IARS2: variants seen among roughly 807,000 people sequenced by gnomAD.
IARS2 encodes the protein isoleucyl-tRNA synthetase 2, mitochondrial.
Under a neutral mutation model 126.3 loss-of-function variants are expected in IARS2, and 56 were observed. The ratio of observed to expected loss-of-function variants is 0.44; its 90% confidence interval spans 0.36 to 0.55. The LOEUF (loss-of-function observed/expected upper bound fraction) is 0.55, where lower values mean the gene tolerates loss of function less well. Among genes scored for constraint, IARS2 ranks in the 20% least tolerant of loss-of-function variants. The pLI is 0.00. For missense variants in IARS2, 1,127 were observed against 1,245.9 expected (o/e 0.90, Z 1.44); for synonymous variants, 407 against 441.1 (o/e 0.92, Z 0.97).
At chr1:220,128,475 C>T (rs1295121140) in intron 14 of IARS2, among the ~76,000 whole-genome samples, 2 of 152,136 alleles carry the variant, frequency 1.3e-5, no homozygotes, top group African/African-American at 4.8e-5. Flanking sequence ...AGTAGGCTCT[C>T]CCATTGAGGT....
chr1:220,141,767 G>A (rs1166466899), intron 19 of IARS2, 36 bp from the exon 20 acceptor site: 5 of 1,607,974 alleles, frequency 3.1e-6, no homozygotes, highest in Admixed American at 1.7e-5. Context: ...AATGTATAAA[G>A]TATTGTCAAC....
At chr1:220,131,829 A>C (rs1571860330) in intron 14 of IARS2, among the ~76,000 whole-genome samples, 2 of 112,706 alleles carry the variant, frequency 1.8e-5, no homozygotes, top group South Asian at 2.7e-4. Context: ...ATGGAGTCTC[A>C]CTCTGTTGCC....
intron 11 of IARS2, among the ~76,000 whole-genome samples, chr1:220,113,023 C>T (rs142209563): frequency 3.3e-5 from 5 of 152,140 alleles, no homozygotes; most frequent in East Asian, 3.9e-4. Flanking sequence ...CCACCATGCC[C>T]GGCTAATTTT....
At chr1:220,101,512 C>T (rs1656569578) in intron 3 of IARS2, among the ~76,000 whole-genome samples, 1 of 151,226 alleles carries the variant, frequency 6.6e-6, no homozygotes, top group Non-Finnish European at 1.5e-5. Context: ...CCAGCCTGGC[C>T]AACATGGCAA....
intron 1 of IARS2, among the ~76,000 whole-genome samples, chr1:220,095,586 CTT>C (rs34977332): frequency 6.7e-6 from 1 of 149,822 alleles, no homozygotes; most frequent in Non-Finnish European, 1.5e-5. Context: ...GATATTAACA[CTT>C]TTTTTTTTCA....
Position 220,102,356 on chromosome 1 carries a change from T to C in IARS2, c.700-7T>C. 1 of 1,613,510 alleles carries C rather than the reference T, an allele frequency of 6.2e-7. No individual in the cohort carries two copies. Among genetic ancestry groups the C allele is most frequent in the Non-Finnish European group, 8.5e-7 (1 of 1,179,886 alleles). Reference sequence around the variant, plus strand: ...TACTTTTAACATCATATTTTTGTCTTTTATAGGGCTTGGTTTATCGATCTT... The same window carrying C: ...TACTTTTAACATCATATTTTTGTCTCTTATAGGGCTTGGTTTATCGATCTT... On this transcript the variant is annotated splice_polypyrimidine_tract_variant and splice_region_variant and intron_variant, in intron 4 of 22. Coordinates refer to ENST00000366922, the MANE Select transcript of IARS2 (RefSeq NM_018060.4).
At chr1:220,128,904 ATTT>A (rs35869552) in intron 14 of IARS2, among the ~76,000 whole-genome samples, 3 of 144,484 alleles carry the variant, frequency 2.1e-5, no homozygotes, top group African/African-American at 7.7e-5. Flanking sequence ...CTAGAGTGTG[ATTT>A]TTTTTTTTTT....
At chr1:220,121,203 GT>G (rs1489441452) in intron 12 of IARS2, among the ~76,000 whole-genome samples, 1 of 152,138 alleles carries the variant, frequency 6.6e-6, no homozygotes, top group Non-Finnish European at 1.5e-5. Flanking sequence ...CTAATGTGTA[GT>G]TACGTTGTTT....
At position 220,098,079 on chromosome 1, in the gene IARS2, T is replaced by G. The variant is rs536117104; in HGVS notation, c.390+1853T>G. Among the ~76,000 whole-genome samples the G allele has an allele frequency of 1.4e-4, 21 of 151,642 alleles. 1 individual carries two copies. In the South Asian group the frequency reaches 4.4e-3, roughly 32 times the overall value. On this transcript the variant is annotated intron_variant, in intron 2 of 22. Transcript: ENST00000366922. ...TTAGTATTATTTTTTAGTAGAGACG[T>G]GGTTTCACCATGTTAGCCAGGATGG...
Position 220,131,973 on chromosome 1 carries a change from A to AT in IARS2, c.1838-2424dup, listed in dbSNP as rs566362836. On this transcript the variant is annotated intron_variant, in intron 14 of 22. Coordinates refer to ENST00000366922, the MANE Select transcript of IARS2 (RefSeq NM_018060.4). ...CCACCATGCCTGGCTAATTTTTTGTATTTTTAGTAGAGACGGGTTTCACCA... is the reference window on the plus strand; with the variant it reads ...CCACCATGCCTGGCTAATTTTTTGTATTTTTTAGTAGAGACGGGTTTCACCA... Among the ~76,000 whole-genome samples, 226 of 148,796 alleles carry AT rather than the reference A, an allele frequency of 1.5e-3. 1 individual carries two copies. The highest frequency in any genetic ancestry group is 5.1e-3 in the African/African-American group (204 of 40,226).
rs114388084 is a variant in IARS2, at chr1:220,118,423, A to T, written c.1640+3949A>T. Reference sequence around the variant, plus strand: ...AATAGTGTCATTTGCATTTTAGATCATATTTGTATTTTATCAAGAAATAAT... The same window carrying T: ...AATAGTGTCATTTGCATTTTAGATCTTATTTGTATTTTATCAAGAAATAAT... On this transcript the variant is annotated intron_variant, in intron 12 of 22. Transcript: ENST00000366922. Among the ~76,000 whole-genome samples, 462 of 151,354 alleles carry T rather than the reference A, an allele frequency of 3.1e-3. 3 individuals are homozygous for T. The highest frequency in any genetic ancestry group is 0.011 in the African/African-American group (439 of 41,508).
intron 14 of IARS2, among the ~76,000 whole-genome samples, chr1:220,130,309 T>C (rs1657233320): frequency 6.6e-6 from 1 of 152,238 alleles, no homozygotes; most frequent in African/African-American, 2.4e-5. Context: ...TTTTCTTCCA[T>C]TCCACAGGTT....
chr1:220,139,291 G>C, intron 18 of IARS2, 152 bp downstream of exon 18: 1 of 511,758 alleles, frequency 2.0e-6, no homozygotes, highest in South Asian at 4.4e-5. Flanking sequence ...CCTCGGACCA[G>C]ATTTTTCTCT....
chr1:220,126,688 A>C, intron 13 of IARS2, 62 bp from the exon 14 acceptor site: 1 of 1,162,174 alleles, frequency 8.6e-7, no homozygotes, highest in Non-Finnish European at 1.3e-6. Flanking sequence ...TTTGGGGTAC[A>C]GTATTTGTTG....
intron 8 of IARS2, 76 bp downstream of exon 8, chr1:220,103,638 G>C (rs2102819297): frequency 1.1e-6 from 1 of 876,826 alleles, no homozygotes. Context: ...TTGCTGAACT[G>C]CATATTTTGA....
At chr1:220,117,973 C>A in intron 12 of IARS2, 1 of 484,710 alleles carries the variant, frequency 2.1e-6, no homozygotes. Flanking sequence ...GACTTTAATC[C>A]TCTTCCATTA....
intron 15 of IARS2, among the ~76,000 whole-genome samples, chr1:220,136,093 C>T (rs774175293): frequency 7.9e-5 from 12 of 152,042 alleles, no homozygotes; most frequent in Non-Finnish European, 1.5e-4. Flanking sequence ...TTGTGTAAGT[C>T]GAGAGTTAAC....
intron 1 of IARS2, 32 bp downstream of exon 1, chr1:220,094,515 G>A: frequency 6.5e-7 from 1 of 1,534,548 alleles, no homozygotes; most frequent in Non-Finnish European, 8.7e-7. Context: ...GGGGCCTCCA[G>A]AGAGGCCCGA....
At chr1:220,107,978 C>G (rs911823114) in intron 10 of IARS2, among the ~76,000 whole-genome samples, 2 of 152,148 alleles carry the variant, frequency 1.3e-5, no homozygotes, top group East Asian at 3.8e-4. Context: ...AGCTCACTGC[C>G]ACCTCTGTGT....
Sources: gnomAD v4.1 joint callset for allele counts (sites outside exome capture counted in the v4.1 genomes callset) on GRCh38, gnomAD v4.1.1 for gene constraint, MANE v1.5 for transcripts, NCBI Gene and HGNC (gene_info 2026-07-23, HGNC 2026-07-21) for gene names.